The following DMD variants were observed in gnomAD, a reference collection of about 807,000 sequenced individuals.
DMD encodes dystrophin, also known as mutant dystrophin.
DMD carries 63 observed loss-of-function variants against 330.1 expected under a neutral mutation model. The observed-to-expected ratio is 0.19, with a 90% CI of 0.16 to 0.24. DMD has a LOEUF of 0.24. Ranked by LOEUF, DMD falls within the 10% of genes least tolerant of loss-of-function variation. The pLI, the probability that DMD is intolerant of heterozygous loss-of-function variation, is 1.00. For synonymous variants in DMD, 1,223 were observed against 959.8 expected, an observed-to-expected ratio of 1.27 and a Z score of -5.07; for missense variants, 3,344 against 2,684.1, an observed-to-expected ratio of 1.25 and a Z score of -5.43.
chrX:31,246,898 C>T (rs1338628951), intron 63 of DMD, among the ~76,000 whole-genome samples: 2 of 109,063 alleles, frequency 1.8e-5, no homozygotes, highest in African/African-American at 3.4e-5. Flanking sequence ...TGCACTCCAG[C>T]CTGGGTGACA....
intron 44 of DMD, among the ~76,000 whole-genome samples, chrX:32,003,359 T>G (rs1362031978): frequency 8.9e-6 from 1 of 111,960 alleles, no homozygotes; most frequent in Non-Finnish European, 1.9e-5. Context: ...GCAAACTATT[T>G]TAATGTTACA....
chrX:31,633,451 T>C (rs1217357654), intron 54 of DMD, among the ~76,000 whole-genome samples: 1 of 111,869 alleles, frequency 8.9e-6, no homozygotes, highest in Non-Finnish European at 1.9e-5. Flanking sequence ...CCGTACCTAT[T>C]GTGTACCAGG....
intron 50 of DMD, among the ~76,000 whole-genome samples, chrX:31,799,226 G>T (rs948408196): frequency 8.9e-6 from 1 of 112,222 alleles, no homozygotes; most frequent in Non-Finnish European, 1.9e-5. Flanking sequence ...GATGTTGGTT[G>T]TATTAGTCTG....
chrX:32,373,362 T>C (rs1291911715), intron 34 of DMD, among the ~76,000 whole-genome samples: 1 of 109,270 alleles, frequency 9.2e-6, no homozygotes, highest in Non-Finnish European at 1.9e-5. Flanking sequence ...GGGTGCTGCT[T>C]CTATATTAGC....
At chrX:32,033,653 G>GAAAGAAGA (rs201179363) in intron 44 of DMD, among the ~76,000 whole-genome samples, 116 of 59,048 alleles carry the variant, frequency 2.0e-3, no homozygotes, top group African/African-American at 7.9e-3. Context: ...AAGAAAGAAA[G>GAAAGAAGA]AAGAAAGAAA....
At chrX:33,215,768 A>G (rs1440011954), upstream of DMD, among the ~76,000 whole-genome samples, 2 of 111,845 alleles carry the variant, frequency 1.8e-5, no homozygotes, top group Non-Finnish European at 3.8e-5. Context: ...AGCACCATCT[A>G]TTGAATAGGA....
At chrX:31,202,528 A>G (rs1164286818) in intron 67 of DMD, among the ~76,000 whole-genome samples, 3 of 73,338 alleles carry the variant, frequency 4.1e-5, no homozygotes, top group African/African-American at 1.1e-4. Flanking sequence ...CATCCGGTAA[A>G]TCTATCCAAC....
chrX:31,152,942 A>C (rs1047321434), intron 74 of DMD, among the ~76,000 whole-genome samples: 1 of 112,436 alleles, frequency 8.9e-6, no homozygotes, highest in Non-Finnish European at 1.9e-5. Context: ...GATGTTTTGC[A>C]TGTGCATACA....
intron 12 of DMD, among the ~76,000 whole-genome samples, chrX:32,596,735 C>T (rs970767152): frequency 1.8e-5 from 2 of 109,619 alleles, no homozygotes; most frequent in Admixed American, 9.8e-5. Context: ...TCAGTTGAGA[C>T]GGGATTTCAC....
At chrX:32,192,202 C>A (rs994865362) in intron 44 of DMD, among the ~76,000 whole-genome samples, 6 of 111,388 alleles carry the variant, frequency 5.4e-5, no homozygotes, top group African/African-American at 2.0e-4. Flanking sequence ...GGTATGATAC[C>A]CAAGACTCAA....
At chrX:31,484,295 T>C (rs2068619839) in intron 57 of DMD, among the ~76,000 whole-genome samples, 1 of 111,997 alleles carries the variant, frequency 8.9e-6, no homozygotes, top group East Asian at 2.8e-4. Context: ...GAGAAGTCAG[T>C]TCCTTTATGT....
chrX:31,894,441 G>A, intron 47 of DMD, among the ~76,000 whole-genome samples: 1 of 111,679 alleles, frequency 9.0e-6, no homozygotes, highest in Non-Finnish European at 1.9e-5. Context: ...TTTAGGCTCT[G>A]GTTTCCAGGA....
intron 59 of DMD, among the ~76,000 whole-genome samples, chrX:31,449,795 T>TATATATATATATAG (rs1556643941): frequency 4.9e-5 from 4 of 81,277 alleles, no homozygotes; most frequent in South Asian, 6.7e-4. Flanking sequence ...TATATATATA[T>TATATATATATATAG]ATAGATAGAT....
At chrX:32,335,434 T>C (rs1200124369) in intron 41 of DMD, among the ~76,000 whole-genome samples, 2 of 105,025 alleles carry the variant, frequency 1.9e-5, no homozygotes, top group East Asian at 5.9e-4. Flanking sequence ...ATATATGTTA[T>C]ATATGGATGT....
intron 7 of DMD, among the ~76,000 whole-genome samples, chrX:32,748,449 A>C (rs1232351592): frequency 1.8e-5 from 2 of 111,541 alleles, no homozygotes; most frequent in Admixed American, 9.5e-5. Context: ...GAGGAGCAAA[A>C]AGTTTAATTT....
chrX:32,168,493 A>C (rs2096875970), intron 44 of DMD, among the ~76,000 whole-genome samples: 1 of 106,961 alleles, frequency 9.3e-6, no homozygotes, highest in African/African-American at 3.4e-5. Flanking sequence ...TAATCTCTTT[A>C]AAAAAATTTG....
chrX:32,756,604 T>C (rs1398975262), intron 7 of DMD, among the ~76,000 whole-genome samples: 4 of 110,522 alleles, frequency 3.6e-5, no homozygotes, highest in African/African-American at 6.6e-5. Flanking sequence ...TCCTTGTGGA[T>C]CAATTTGGGA....
chrX:32,863,691 A>AGGAAACAT (rs1277510707), intron 2 of DMD, among the ~76,000 whole-genome samples: 2 of 110,755 alleles, frequency 1.8e-5, no homozygotes, highest in African/African-American at 6.6e-5. Context: ...GATCTAGTAG[A>AGGAAACAT]GGAAACATTA....
chrX:31,246,028 C>T (rs375737892), intron 63 of DMD, among the ~76,000 whole-genome samples: 33 of 111,964 alleles, frequency 2.9e-4, no homozygotes, highest in African/African-American at 1.0e-3. Flanking sequence ...GCCTCTCATG[C>T]CAAACAGTCA....
Sources: allele counts gnomAD v4.1 joint callset (sites outside exome capture counted in the v4.1 genomes callset), GRCh38; gene constraint gnomAD v4.1.1; transcripts MANE v1.5; gene names NCBI Gene and HGNC (gene_info 2026-07-23, HGNC 2026-07-21).